Variants in PPP2R5B observed in about 807,000 individuals in gnomAD.
PPP2R5B encodes protein phosphatase 2 regulatory subunit B'beta, also known as serine/threonine-protein phosphatase 2A 56 kDa regulatory subunit beta isoform.
PPP2R5B carries 19 observed loss-of-function variants against 59.9 expected under a neutral mutation model. The ratio of observed to expected loss-of-function variants is 0.32; its 90% CI spans 0.22 to 0.47. The LOEUF is 0.47. Ranked by LOEUF, PPP2R5B falls within the 20% of genes least tolerant of loss-of-function variation. The pLI, the probability that PPP2R5B is intolerant of heterozygous loss-of-function variation, is 1.00. For synonymous variants in PPP2R5B, 286 were observed against 260.5 expected, an observed-to-expected ratio of 1.10 and a Z score of -0.94; for missense variants, 441 against 640.2, an observed-to-expected ratio of 0.69 and a Z score of 3.36.
rs1192625504 is a variant in PPP2R5B, at chr11:64,924,746, C to CT, written c.-546dup. 6.6e-6 allele frequency: 1 copy of CT among 152,308 alleles called. No homozygotes were observed. The highest frequency in any genetic ancestry group is 1.5e-5 in the Non-Finnish European group (1 of 68,090). 9.4% of individuals were successfully genotyped at this position (152,308 alleles called of 1,614,324 possible). ...CGGTGCGCACGGAGCCGAGCCGGGG[C>CT]TCCCGTTGCGCTGCACCGCGTTGGG... On this transcript the variant is annotated 5_prime_UTR_variant, in exon 1 of 14. Coordinates refer to ENST00000164133, the MANE Select transcript of PPP2R5B (RefSeq NM_006244.4).
At chr11:64,926,063 G>A (rs1222219685) in intron 2 of PPP2R5B, 130 bp downstream of exon 2, 23 of 972,084 alleles carry the variant, frequency 2.4e-5, no homozygotes, top group Admixed American at 2.6e-5. Flanking sequence ...TAGGTTCTCC[G>A]CCATCAGAAC....
chr11:64,921,441 A>G (rs1590672960), upstream of PPP2R5B, among the ~76,000 whole-genome samples: 1 of 152,186 alleles, frequency 6.6e-6, no homozygotes, highest in South Asian at 2.1e-4. Flanking sequence ...ACCTTAGATT[A>G]GGTGAAAACT....
chr11:64,930,440 G>C lies in PPP2R5B; in HGVS notation c.783-41G>C, dbSNP rs1323004883. On this transcript the variant is annotated intron_variant, in intron 7 of 13. Coordinates refer to ENST00000164133, the MANE Select transcript of PPP2R5B (RefSeq NM_006244.4). ...ATTCTGGAAGGAGGGACTGGGGCCA[G>C]GTCACCTGAGCCCTCTTCCTCTCTT... is the stretch of plus-strand genomic sequence containing the variant. The C allele has an allele frequency of 2.5e-6, 4 of 1,613,232 alleles. No homozygotes were observed. The East Asian group carries it at 8.9e-5, about 36-fold the overall frequency.
rs199690335 is a variant in PPP2R5B at position 64,931,629 on chromosome 11, T to A, written c.996+20T>A. 15 of 1,613,608 alleles carry A rather than the reference T, an allele frequency of 9.3e-6. No individual in the cohort carries two copies. Among genetic ancestry groups the A allele is most frequent in the African/African-American group, 2.7e-5 (2 of 74,926 alleles). On this transcript the variant is annotated intron_variant, in intron 10 of 13. Transcript: ENST00000164133. This position sits in a 1 kb window ranked among gnomAD's most constrained non-coding sequence, Gnocchi z 5.0. ...AAGGAGGTATGAAGAAGGGCTTTGA[T>A]GCCCGCCAGAGGGAGGCTGGGAGGG...
chr11:64,930,227 C>T (rs1278378482), intron 6 of PPP2R5B, 95 bp from the exon 7 acceptor site: 27 of 1,355,170 alleles, frequency 2.0e-5, no homozygotes, highest in Middle Eastern at 2.5e-4. Context: ...GTTGGATGAG[C>T]GTGCCGTGCA....
At chr11:64,919,354 A>G (rs1945090782) in intron 1 of PPP2R5B, among the ~76,000 whole-genome samples, 1 of 151,800 alleles carries the variant, frequency 6.6e-6, no homozygotes. Flanking sequence ...AAAAAAAAAA[A>G]AGAAGAAACT....
At position 64,931,699 on chromosome 11, in the gene PPP2R5B, G is replaced by A. The variant is rs1163706063; in HGVS notation, c.997-50G>A. The A allele has an allele frequency of 1.2e-6, 2 of 1,613,880 alleles. No individual in the cohort carries two copies. The highest frequency in any genetic ancestry group is 1.7e-6 in the Non-Finnish European group (2 of 1,179,922). On this transcript the variant is annotated intron_variant, in intron 10 of 13. Coordinates refer to ENST00000164133, the MANE Select transcript of PPP2R5B (RefSeq NM_006244.4). The surrounding 1 kb of genome is among the most constrained non-coding windows in gnomAD (Gnocchi z 5.0). ...TCAGGTGTGTGTATGTGTAGGGGGA[G>A]ATGTGAGCTGCTGCCCCTCTGTCCC...
At chr11:64,929,376 G>A (rs1221044131) in intron 6 of PPP2R5B, among the ~76,000 whole-genome samples, 2 of 152,186 alleles carry the variant, frequency 1.3e-5, no homozygotes, top group East Asian at 1.9e-4. Flanking sequence ...TGGTTCCAAC[G>A]TTTGGGTGAA....
At chr11:64,933,388 C>T in intron 13 of PPP2R5B, 142 bp downstream of exon 13, 2 of 766,172 alleles carry the variant, frequency 2.6e-6, no homozygotes, top group Non-Finnish European at 4.3e-6. Flanking sequence ...CCATCCTATG[C>T]CTGACTGTCT....
In PPP2R5B at chr11:64,932,845, T is replaced by A; in HGVS notation, c.1197T>A (p.Pro399=). The A allele has an allele frequency of 6.2e-7, 1 of 1,614,164 alleles. No individual in the cohort carries two copies. The highest frequency in any genetic ancestry group is 1.1e-5 in the South Asian group (1 of 91,078). ...LIEDNCHTVL[P]AVFGTLYQVS... is the part of the protein sequence containing the mutation. ...AGGACAACTGCCACACTGTGCTGCCTGCTGTGTTTGGGACCCTCTACCAAG... is the reference window on the plus strand; with the variant it reads ...AGGACAACTGCCACACTGTGCTGCCAGCTGTGTTTGGGACCCTCTACCAAG... The change falls in exon 12 of 14, where the codon CCT becomes CCA. Residue 399 remains proline (P), a synonymous_variant. Transcript: ENST00000164133.
chr11:64,933,292 G>A (rs755045852), intron 13 of PPP2R5B, 46 bp downstream of exon 13: 2 of 1,514,814 alleles, frequency 1.3e-6, no homozygotes, highest in African/African-American at 1.4e-5. Context: ...AGAGCAGGGA[G>A]GAGTCAGACC....
chr11:64,923,188 C>G (rs1406246058), upstream of PPP2R5B: 1 of 152,314 alleles, frequency 6.6e-6, no homozygotes, highest in Non-Finnish European at 1.5e-5. Flanking sequence ...GACCAGGGCA[C>G]TGGTACCCAG....
At position 64,934,000 on chromosome 11, in the gene PPP2R5B, C is replaced by A. The variant is rs1009005442; in HGVS notation, c.*156C>A. On this transcript the variant is annotated 3_prime_UTR_variant, in exon 14 of 14. Transcript: ENST00000164133. ...CAGCCCAGCTTTCACTGGGGGGAGACGAGGAGAGGCAATGGTGGTCTTGGC... is the reference window on the plus strand; with the variant it reads ...CAGCCCAGCTTTCACTGGGGGGAGAAGAGGAGAGGCAATGGTGGTCTTGGC... The A allele has an allele frequency of 6.6e-6, 6 of 911,748 alleles. No individual in the cohort carries two copies. Among genetic ancestry groups the A allele is most frequent in the Non-Finnish European group, 9.2e-6 (6 of 655,666 alleles). 56.5% of individuals were successfully genotyped at this position (911,748 alleles called of 1,614,324 possible).
chr11:64,928,523 T>C, intron 6 of PPP2R5B, 98 bp downstream of exon 6: 3 of 1,553,100 alleles, frequency 1.9e-6, no homozygotes, highest in Non-Finnish European at 2.6e-6. Flanking sequence ...ACACCTGTAA[T>C]CCCAGCACTT....
chr11:64,926,625 C>T (rs778269166), intron 2 of PPP2R5B, 87 bp from the exon 3 acceptor site: 41 of 1,444,418 alleles, frequency 2.8e-5, no homozygotes, highest in South Asian at 1.6e-4. Context: ...CAGAGGCAGC[C>T]GTGGAGATTA....
At chr11:64,922,666 A>G (rs1156723092), upstream of PPP2R5B, among the ~76,000 whole-genome samples, 1 of 152,052 alleles carries the variant, frequency 6.6e-6, no homozygotes, top group Non-Finnish European at 1.5e-5. Flanking sequence ...CGAGGTCAGG[A>G]GATCGAGACC....
At position 64,925,916 on chromosome 11, in the gene PPP2R5B, C is replaced by G; in HGVS notation, c.182C>G (p.Pro61Arg). The change falls in exon 2 of 14, where the codon CCG (proline) becomes CGG (arginine). Residue 61 changes from proline to arginine, a missense_variant. Coordinates refer to ENST00000164133, the MANE Select transcript of PPP2R5B (RefSeq NM_006244.4). The surrounding 1 kb of genome is among the most constrained non-coding windows in gnomAD (Gnocchi z 4.6). ...RYQSNQQELTPLPLLKDVPAS... is the reference protein window; with the variant it reads ...RYQSNQQELTRLPLLKDVPAS... ...CAGAGCAACCAGCAAGAGCTCACAC[C>G]GCTGCCCCTGCTCAAAGGTGAGCTG... 1 of 1,611,732 alleles carries G rather than the reference C, an allele frequency of 6.2e-7. No individual in the cohort carries two copies. Among genetic ancestry groups the G allele is most frequent in the Non-Finnish European group, 8.5e-7 (1 of 1,179,822 alleles).
chr11:64,925,357 A>G lies in PPP2R5B; in HGVS notation c.-264-114A>G, dbSNP rs1945148256. The G allele has an allele frequency of 5.2e-6, 1 of 193,364 alleles. No individual in the cohort carries two copies. Among genetic ancestry groups the G allele is most frequent in the Non-Finnish European group, 1.1e-5 (1 of 92,242 alleles). 12.0% of individuals were successfully genotyped at this position (193,364 alleles called of 1,614,324 possible). A position where few individuals can be genotyped will look rare whatever the true frequency, so the allele number is the denominator to read the frequency against. On this transcript the variant is annotated intron_variant, in intron 1 of 13. Transcript: ENST00000164133. The surrounding 1 kb of genome is among the most constrained non-coding windows in gnomAD (Gnocchi z 4.6). The stretch of plus-strand genomic sequence containing the variant: ...CCCCTATTTTAGGGTCTGGGCAAGG[A>G]TAGGAGGGAAAAGACCTGGGCACTC...
rs779507060 is a variant in PPP2R5B, at chr11:64,926,932, C to T, written c.396+24C>T. 46 of 1,607,260 alleles carry T rather than the reference C, an allele frequency of 2.9e-5. No individual in the cohort carries two copies. In the South Asian group the frequency reaches 3.3e-4, roughly 12 times the overall value. Reference sequence around the variant, plus strand: ...TGGTGAGCACCTGCCACCCAGGCTCCGAGGGCCGGCCGAGAGGGCGTGTGA... The same window carrying T: ...TGGTGAGCACCTGCCACCCAGGCTCTGAGGGCCGGCCGAGAGGGCGTGTGA... On this transcript the variant is annotated intron_variant, in intron 3 of 13. Coordinates refer to ENST00000164133, the MANE Select transcript of PPP2R5B (RefSeq NM_006244.4).
Sources: allele counts gnomAD v4.1 joint callset (sites outside exome capture counted in the v4.1 genomes callset), GRCh38; gene constraint gnomAD v4.1.1; non-coding constraint Gnocchi (gnomAD v3.1); transcripts MANE v1.5; gene names NCBI Gene and HGNC (gene_info 2026-07-23, HGNC 2026-07-21).